The following GLIS3 variants were observed in gnomAD, a reference collection of about 807,000 sequenced individuals.
The protein encoded by GLIS3 is GLIS family zinc finger 3.
In GLIS3, 53 loss-of-function variants were observed where a neutral mutation model predicts 78.6. The observed-to-expected ratio is 0.67, with a 90% confidence interval of 0.54 to 0.85. The LOEUF is 0.85. Ranked by LOEUF, GLIS3 falls within the 40% of genes least tolerant of loss-of-function variation. GLIS3 has a pLI of 0.00. For missense variants in GLIS3, 1,703 were observed against 1,231.1 expected, an observed-to-expected ratio of 1.38 and a Z score of -5.74; for synonymous variants, 684 against 509.9, an observed-to-expected ratio of 1.34 and a Z score of -4.60.
At chr9:4,478,147 C>T in the GLIS3 span, among the ~76,000 whole-genome samples, 1 of 152,040 alleles carries the variant, frequency 6.6e-6, no homozygotes, top group African/African-American at 2.4e-5. Context: ...AACAAAGACA[C>T]TATTGAAACA....
chr9:4,348,672 T>C (rs746429295), upstream of GLIS3, among the ~76,000 whole-genome samples: 1 of 152,188 alleles, frequency 6.6e-6, no homozygotes, highest in Admixed American at 6.5e-5. Context: ...TTTCTCCCAG[T>C]GACTCACAAT....
intron 4 of GLIS3, among the ~76,000 whole-genome samples, chr9:4,059,395 C>T (rs949905633): frequency 6.6e-6 from 1 of 152,198 alleles, no homozygotes; most frequent in Non-Finnish European, 1.5e-5. Flanking sequence ...ATCCTTCAGA[C>T]AGTGACTACA....
At chr9:4,343,435 A>G (rs1462235610) in intron 2 of GLIS3, among the ~76,000 whole-genome samples, 1 of 152,372 alleles carries the variant, frequency 6.6e-6, no homozygotes, top group East Asian at 1.9e-4. Context: ...AGAGTTGTGG[A>G]GAAAAAGGAA....
chr9:4,341,651 G>T (rs531143569), intron 2 of GLIS3, among the ~76,000 whole-genome samples: 68 of 152,246 alleles, frequency 4.5e-4, no homozygotes, highest in African/African-American at 1.4e-3. Flanking sequence ...AAAACCAATA[G>T]AAAAAGACCA....
the GLIS3 span, among the ~76,000 whole-genome samples, chr9:4,362,471 T>G: frequency 6.6e-6 from 1 of 152,192 alleles, no homozygotes; most frequent in Non-Finnish European, 1.5e-5. Flanking sequence ...GACCACACGC[T>G]TTCCATCTCG....
At chr9:4,421,297 C>T in the GLIS3 span, among the ~76,000 whole-genome samples, 1 of 152,176 alleles carries the variant, frequency 6.6e-6, no homozygotes, top group African/African-American at 2.4e-5. Flanking sequence ...CAAGACAATT[C>T]ACCAAGGGCA....
chr9:4,087,212 G>A (rs1055388284), intron 4 of GLIS3, among the ~76,000 whole-genome samples: 2 of 152,202 alleles, frequency 1.3e-5, no homozygotes, highest in Non-Finnish European at 2.9e-5. Flanking sequence ...GGTCAGATGA[G>A]TACAGAGGTA....
At chr9:4,178,990 G>A (rs894176932) in intron 2 of GLIS3, among the ~76,000 whole-genome samples, 1 of 151,966 alleles carries the variant, frequency 6.6e-6, no homozygotes, top group Admixed American at 6.6e-5. Flanking sequence ...AATTATTTAG[G>A]GCTGCAATTA....
In GLIS3 at chr9:4,125,849, G is replaced by A. The variant is rs150440284; in HGVS notation, c.481C>T (p.Leu161=). Residue 161 remains leucine (L), a synonymous_variant, in exon 3 of 11, where the codon CTG becomes TTG. Transcript: ENST00000381971. The part of the protein sequence containing the change: ...VTSSPMMVQR[L]GLISPPASQV... ...CTTGCTGGAGGTGAAATGAGTCCCAGTCGCTGAACCATCATGGGACTGCTG... is the reference window on the plus strand; with the variant it reads ...CTTGCTGGAGGTGAAATGAGTCCCAATCGCTGAACCATCATGGGACTGCTG... 6.2e-7 allele frequency: 1 copy of A among 1,614,006 alleles called. No homozygotes were observed. The highest frequency in any genetic ancestry group is 8.5e-7 in the Non-Finnish European group (1 of 1,179,900).
chr9:4,139,002 A>T (rs1221519760), intron 2 of GLIS3, among the ~76,000 whole-genome samples: 1 of 152,236 alleles, frequency 6.6e-6, no homozygotes, highest in African/African-American at 2.4e-5. Context: ...TGAAGGCAGG[A>T]AACCAAGCTA....
At chr9:4,473,422 G>T in the GLIS3 span, among the ~76,000 whole-genome samples, 2 of 137,910 alleles carry the variant, frequency 1.5e-5, no homozygotes, top group East Asian at 2.1e-4. Context: ...CTCCAGCCTG[G>T]GCGACAGGGC....
chr9:4,032,361 G>C (rs1344834891), intron 4 of GLIS3, among the ~76,000 whole-genome samples: 1 of 152,036 alleles, frequency 6.6e-6, no homozygotes, highest in African/African-American at 2.4e-5. Flanking sequence ...TAATCACCAA[G>C]AACCAACTTT....
chr9:4,280,515 A>G (rs917759965), intron 2 of GLIS3, among the ~76,000 whole-genome samples: 18 of 152,226 alleles, frequency 1.2e-4, no homozygotes, highest in Non-Finnish European at 1.5e-5. Context: ...AAATGCAAAA[A>G]AAAGTTAAAT....
Position 3,827,821 on chromosome 9 carries a change from T to G in GLIS3, c.*451A>C, listed in dbSNP as rs1168889140. The G allele has an allele frequency of 1.2e-5, 3 of 243,560 alleles. No individual in the cohort carries two copies. Among genetic ancestry groups the G allele is most frequent in the Admixed American group, 5.1e-5 (1 of 19,514 alleles). 15.1% of individuals were successfully genotyped at this position (243,560 alleles called of 1,614,324 possible). On this transcript the variant is annotated 3_prime_UTR_variant, in exon 11 of 11. Transcript: ENST00000381971. ...GGACATGGATTTCCCTTGTTGTGCC[T>G]GGCTTTGCATCAGGAGCAGCAAGGG...
At chr9:4,293,133 A>C (rs973587023) in intron 1 of GLIS3, among the ~76,000 whole-genome samples, 22 of 152,334 alleles carry the variant, frequency 1.4e-4, no homozygotes, top group African/African-American at 5.3e-4. Flanking sequence ...AAATGAAAAG[A>C]GCATTCATTA....
intron 4 of GLIS3, among the ~76,000 whole-genome samples, chr9:3,964,224 A>G (rs1817764778): frequency 6.6e-6 from 1 of 152,118 alleles, no homozygotes; most frequent in Admixed American, 6.5e-5. Context: ...TCTCTCACAT[A>G]GCCTTTTGTA....
chr9:3,936,991 G>C, intron 5 of GLIS3, 37 bp downstream of exon 5: 1 of 1,611,536 alleles, frequency 6.2e-7, no homozygotes, highest in Non-Finnish European at 8.5e-7. Context: ...CACACCAGGC[G>C]CTGGGTTGGA....
intron 6 of GLIS3, among the ~76,000 whole-genome samples, chr9:3,899,662 AGT>A (rs886453272): frequency 2.0e-5 from 3 of 152,202 alleles, no homozygotes; most frequent in African/African-American, 4.8e-5. Context: ...GTATTTAAAG[AGT>A]GTGTGTATAA....
intron 4 of GLIS3, among the ~76,000 whole-genome samples, chr9:4,108,878 T>A (rs937784099): frequency 1.3e-5 from 2 of 152,064 alleles, no homozygotes; most frequent in Non-Finnish European, 2.9e-5. Flanking sequence ...TGCTCTCCGG[T>A]CAACAGACAA....
Sources: allele counts gnomAD v4.1 joint callset (sites outside exome capture counted in the v4.1 genomes callset), GRCh38; gene constraint gnomAD v4.1.1; transcripts MANE v1.5; gene names NCBI Gene and HGNC (gene_info 2026-07-23, HGNC 2026-07-21).